Variants in STAT4 observed in about 807,000 individuals in gnomAD.
STAT4 encodes the protein signal transducer and activator of transcription 4.
In STAT4, 42 loss-of-function variants were observed where a neutral mutation model predicts 110.5. The ratio of observed to expected loss-of-function variants is 0.38; its 90% CI spans 0.30 to 0.49. STAT4 has a LOEUF of 0.49. Ranked by LOEUF, STAT4 falls within the 20% of genes least tolerant of loss-of-function variation. The probability of loss-of-function intolerance (pLI) is 0.95; values close to 1 mark genes in which losing one functional copy is unlikely to be tolerated. For missense variants in STAT4, 632 were observed against 887.9 expected (o/e 0.71, Z 3.66); for synonymous variants, 284 against 302.2 (o/e 0.94, Z 0.63).
intron 3 of STAT4, among the ~76,000 whole-genome samples, chr2:191,134,955 A>C (rs1162702693): frequency 1.3e-5 from 2 of 152,158 alleles, no homozygotes; most frequent in African/African-American, 4.8e-5. Context: ...AAACACCTAC[A>C]TAAAAAGATA....
chr2:191,039,181 G>A lies in STAT4; in HGVS notation c.1434+18C>T. 1 of 1,608,670 alleles carries A rather than the reference G, an allele frequency of 6.2e-7. No homozygotes were observed. The highest frequency in any genetic ancestry group is 1.7e-4 in the Middle Eastern group (1 of 6,058). ...AATCGAATAGCATTAAAGAAGTTGA[G>A]GTAGAAATAGAGTCTACCTGGGAAT... On this transcript the variant is annotated intron_variant, in intron 16 of 23. Coordinates refer to ENST00000392320, the MANE Select transcript of STAT4 (RefSeq NM_003151.4). The surrounding 1 kb of genome is among the most constrained non-coding windows in gnomAD (Gnocchi z 4.7).
chr2:191,122,697 A>G (rs1023174023), intron 3 of STAT4, among the ~76,000 whole-genome samples: 1 of 152,244 alleles, frequency 6.6e-6, no homozygotes, highest in African/African-American at 2.4e-5. Flanking sequence ...AAACAAAGAA[A>G]AATACACATT....
At chr2:191,085,217 T>C (rs1697605522) in intron 3 of STAT4, among the ~76,000 whole-genome samples, 1 of 151,952 alleles carries the variant, frequency 6.6e-6, no homozygotes, top group South Asian at 2.1e-4. Context: ...ACTTATTTTA[T>C]AGTGACTTGT....
intron 3 of STAT4, among the ~76,000 whole-genome samples, chr2:191,080,616 C>T (rs777124938): frequency 4.6e-5 from 7 of 152,052 alleles, no homozygotes; most frequent in African/African-American, 7.2e-5. Flanking sequence ...TTGACTGAAA[C>T]ATTAAAGAGT....
intron 13 of STAT4, among the ~76,000 whole-genome samples, chr2:191,055,451 CTT>C (rs1381734778): frequency 7.0e-6 from 1 of 142,154 alleles, no homozygotes; most frequent in Admixed American, 7.5e-5. Context: ...GATCTCCTGA[CTT>C]CGTGATCCAC....
chr2:191,064,848 G>A lies in STAT4; in HGVS notation c.741C>T (p.Ile247=), dbSNP rs189939340. The A allele has an allele frequency of 5.0e-6, 8 of 1,613,048 alleles. 2 individuals carry two copies. The South Asian group carries it at 5.5e-5, about 11-fold the overall frequency. ...CGAGCCCATTGTGGAGTGGACCCCC[G>A]ATGCAGGCGATTTGCTGCCGCCGCT... ...DWKRRQQIAC[I]GGPLHNGLDQ... The change falls in exon 8 of 24, where the codon ATC becomes ATT. Residue 247 remains isoleucine (I), a synonymous_variant. Transcript: ENST00000392320.
rs1363643114 is a variant in STAT4, at chr2:191,116,667, A to G, written c.273+29946T>C. Among the ~76,000 whole-genome samples, 1 of 152,188 alleles carries G rather than the reference A, an allele frequency of 6.6e-6. No individual in the cohort carries two copies. Among genetic ancestry groups the G allele is most frequent in the Non-Finnish European group, 1.5e-5 (1 of 68,026 alleles). On this transcript the variant is annotated intron_variant, in intron 3 of 23. Transcript: ENST00000392320. This position sits in a 1 kb window ranked among gnomAD's most constrained non-coding sequence, Gnocchi z 4.1. Reference sequence around the variant, plus strand: ...TGCTTGAAGACTCAGCTCCAGTATAATTACTTGCAATTACTTAATTACTGT... The same window carrying G: ...TGCTTGAAGACTCAGCTCCAGTATAGTTACTTGCAATTACTTAATTACTGT...
Position 191,137,476 on chromosome 2 carries a change from T to G in STAT4, c.273+9137A>C, listed in dbSNP as rs563421255. On this transcript the variant is annotated intron_variant, in intron 3 of 23. Transcript: ENST00000392320. Reference sequence around the variant, plus strand: ...AAAGCAATCCCTATTAAAATACCAATGTCGTTTTTCACAGAAATAGAAAAA... The same window carrying G: ...AAAGCAATCCCTATTAAAATACCAAGGTCGTTTTTCACAGAAATAGAAAAA... Among the ~76,000 whole-genome samples, 74 of 152,144 alleles carry G rather than the reference T, an allele frequency of 4.9e-4. 2 individuals are homozygous for G. In the South Asian group the frequency reaches 0.013, roughly 27 times the overall value.
In STAT4 at chr2:191,138,066, G is replaced by A. The variant is rs1165338245; in HGVS notation, c.273+8547C>T. On this transcript the variant is annotated intron_variant, in intron 3 of 23. Coordinates refer to ENST00000392320, the MANE Select transcript of STAT4 (RefSeq NM_003151.4). The surrounding 1 kb of genome is among the most constrained non-coding windows in gnomAD (Gnocchi z 4.3). ...CAAAGGAAACAATCAGCAGAGTGAA[G>A]AGACAATCTGCTGAATGGGAGAAAA... is the stretch of plus-strand genomic sequence containing the variant. 2.0e-5 allele frequency among the ~76,000 whole-genome samples: 3 copies of A among 152,096 alleles called. No homozygotes were observed. The highest frequency in any genetic ancestry group is 6.6e-5 in the Admixed American group (1 of 15,262).
At position 191,150,745 on chromosome 2, in the gene STAT4, AGCGGTTTCCGCGGAGAACCCGTGCCAGG is replaced by A. The variant is rs1023663781; in HGVS notation, c.-2+174_-2+201del. ...CGGGCACCGTGGCGCGGGCCTGCGG[AGCGGTTTCCGCGGAGAACCCGTGCCAGG>A]GCGCATCTGTGGGTCGTGGAGTCGG... is the stretch of plus-strand genomic sequence containing the variant. On this transcript the variant is annotated intron_variant, in intron 1 of 23. Coordinates refer to ENST00000392320, the MANE Select transcript of STAT4 (RefSeq NM_003151.4). The surrounding 1 kb of genome is among the most constrained non-coding windows in gnomAD (Gnocchi z 6.4). Among the ~76,000 whole-genome samples, 11 of 152,128 alleles carry A rather than the reference AGCGGTTTCCGCGGAGAACCCGTGCCAGG, an allele frequency of 7.2e-5. No individual in the cohort carries two copies.
Position 191,031,515 on chromosome 2 carries a change from A to T in STAT4, c.2046T>A (p.Val682=). ...TGTCACCCCTTTCTGTTGGTCTTGA[A>T]ACTGGAAAACAAAAAGGCACAATGT... The part of the protein sequence containing the change: ...GKHYSSQPCE[V]SRPTERGDKG... Residue 682 remains valine, a splice_region_variant and synonymous_variant, in exon 22 of 24, where the codon GTT becomes GTA. Coordinates refer to ENST00000392320, the MANE Select transcript of STAT4 (RefSeq NM_003151.4). The surrounding 1 kb of genome is among the most constrained non-coding windows in gnomAD (Gnocchi z 4.8). 1.2e-6 allele frequency: 2 copies of T among 1,612,794 alleles called. No homozygotes were observed. Among genetic ancestry groups the T allele is most frequent in the Non-Finnish European group, 1.7e-6 (2 of 1,179,430 alleles).
At position 191,142,285 on chromosome 2, in the gene STAT4, G is replaced by T. The variant is rs536391850; in HGVS notation, c.273+4328C>A. On this transcript the variant is annotated intron_variant, in intron 3 of 23. Coordinates refer to ENST00000392320, the MANE Select transcript of STAT4 (RefSeq NM_003151.4). The surrounding 1 kb of genome is among the most constrained non-coding windows in gnomAD (Gnocchi z 4.1). The stretch of plus-strand genomic sequence containing the variant: ...ATAGAATACTATTTGGCCATAAAAA[G>T]AATAAAATCATGTCATTTGCAGCAA... Among the ~76,000 whole-genome samples, 17 of 151,872 alleles carry T rather than the reference G, an allele frequency of 1.1e-4. No individual in the cohort carries two copies. Among genetic ancestry groups the T allele is most frequent in the African/African-American group, 4.1e-4 (17 of 41,444 alleles).
chr2:191,046,652 G>A lies in STAT4; in HGVS notation c.1252-5504C>T, dbSNP rs138901948. The stretch of plus-strand genomic sequence containing the variant: ...GGAGGATGGTTGAAGGAAAACTTTC[G>A]GAGTGAGGTGCTATGATATTGTGAT... On this transcript the variant is annotated intron_variant, in intron 14 of 23. Coordinates refer to ENST00000392320, the MANE Select transcript of STAT4 (RefSeq NM_003151.4). This position sits in a 1 kb window ranked among gnomAD's most constrained non-coding sequence, Gnocchi z 4.6. Among the ~76,000 whole-genome samples, 136 of 152,228 alleles carry A rather than the reference G, an allele frequency of 8.9e-4. No homozygotes were observed. Among genetic ancestry groups the A allele is most frequent in the African/African-American group, 3.2e-3 (133 of 41,534 alleles).
intron 14 of STAT4, among the ~76,000 whole-genome samples, chr2:191,048,745 C>T (rs1267096449): frequency 2.9e-5 from 4 of 136,794 alleles, no homozygotes; most frequent in Admixed American, 8.0e-5. Flanking sequence ...GAGATCACGC[C>T]GCTGCACTCC....
intron 3 of STAT4, among the ~76,000 whole-genome samples, chr2:191,095,323 C>T (rs907199983): frequency 1.3e-5 from 2 of 152,164 alleles, no homozygotes; most frequent in African/African-American, 4.8e-5. Flanking sequence ...CTTCTCAGCA[C>T]CACATCGCAC....
chr2:191,106,758 A>AT (rs1477703718), intron 3 of STAT4, among the ~76,000 whole-genome samples: 2 of 152,216 alleles, frequency 1.3e-5, no homozygotes, highest in Non-Finnish European at 2.9e-5. Flanking sequence ...TCAATAAATC[A>AT]TTTTAGAAAA....
Position 191,059,069 on chromosome 2 carries a change from T to C in STAT4, c.1035-300A>G, listed in dbSNP as rs1461396939. Among the ~76,000 whole-genome samples the C allele has an allele frequency of 1.3e-5, 2 of 152,098 alleles. No individual in the cohort carries two copies. The highest frequency in any genetic ancestry group is 1.3e-4 in the Admixed American group (2 of 15,264). On this transcript the variant is annotated intron_variant, in intron 10 of 23. Coordinates refer to ENST00000392320, the MANE Select transcript of STAT4 (RefSeq NM_003151.4). This position sits in a 1 kb window ranked among gnomAD's most constrained non-coding sequence, Gnocchi z 4.7. ...GGCCAGGTCAGAAAAAAAAAAGCTA[T>C]ATATTTTGGCTAAAGCTCAAATGTG...
intron 18 of STAT4, 37 bp from the exon 19 acceptor site, chr2:191,034,042 T>TTAC: frequency 2.9e-6 from 4 of 1,362,238 alleles, no homozygotes; most frequent in South Asian, 1.3e-5. Flanking sequence ...ACAATGATTA[T>TTAC]TTAAGTAATA....
At position 191,061,702 on chromosome 2, in the gene STAT4, G is replaced by A. The variant is rs371229965; in HGVS notation, c.1034+27C>T. The A allele has an allele frequency of 1.6e-5, 25 of 1,598,616 alleles. No individual in the cohort carries two copies. The East Asian group carries it at 2.9e-4, about 19-fold the overall frequency. ...AGAGACTATAGCTCCACAAACACAC[G>A]AAATAGTAGAAAATGTTTTTGCCTA... On this transcript the variant is annotated intron_variant, in intron 10 of 23. Transcript: ENST00000392320. This position sits in a 1 kb window ranked among gnomAD's most constrained non-coding sequence, Gnocchi z 6.2.
Sources: allele counts gnomAD v4.1 joint callset (sites outside exome capture counted in the v4.1 genomes callset), GRCh38; gene constraint gnomAD v4.1.1; non-coding constraint Gnocchi (gnomAD v3.1); transcripts MANE v1.5; gene names NCBI Gene and HGNC (gene_info 2026-07-23, HGNC 2026-07-21).